Variants in SNTG1 observed in about 807,000 individuals in gnomAD.
The protein encoded by SNTG1 is syntrophin gamma 1.
Under a neutral mutation model 74.7 loss-of-function variants are expected in SNTG1, and 39 were observed. That is an observed-to-expected ratio of 0.52 (90% CI 0.40 to 0.68). SNTG1 has a LOEUF of 0.68. Ranked by LOEUF, SNTG1 falls within the 30% of genes least tolerant of loss-of-function variation. The pLI, the probability that SNTG1 is intolerant of heterozygous loss-of-function variation, is 0.00. For missense variants in SNTG1, 685 were observed against 609.5 expected (o/e 1.12, Z -1.30); for synonymous variants, 254 against 217.1 (o/e 1.17, Z -1.49).
intron 1 of SNTG1, among the ~76,000 whole-genome samples, chr8:49,970,182 C>G (rs909530720): frequency 1.3e-5 from 2 of 152,110 alleles, no homozygotes; most frequent in African/African-American, 4.8e-5. Context: ...ATCTCACCAT[C>G]TGGCAAAATT....
intron 18 of SNTG1, among the ~76,000 whole-genome samples, chr8:50,785,846 A>G (rs2095673325): frequency 6.6e-6 from 1 of 152,040 alleles, no homozygotes; most frequent in Non-Finnish European, 1.5e-5. Context: ...CCTGGAATGT[A>G]TGGTAGATAT....
chr8:50,346,875 A>G (rs1298647481), intron 2 of SNTG1, among the ~76,000 whole-genome samples: 1 of 152,210 alleles, frequency 6.6e-6, no homozygotes, highest in Non-Finnish European at 1.5e-5. Flanking sequence ...AGGCCGAGAG[A>G]GGTATGGAAG....
chr8:50,181,961 T>A lies in SNTG1; in HGVS notation c.-28+9326T>A, dbSNP rs192093329. On this transcript the variant is annotated intron_variant, in intron 2 of 18. Transcript: ENST00000642720. ...AACAGTTCCCTTGAAATAAATGTTG[T>A]GACAGAATACAATAATTATTCTGCT... is the stretch of plus-strand genomic sequence containing the variant. Among the ~76,000 whole-genome samples the A allele has an allele frequency of 2.4e-3, 365 of 152,312 alleles. 4 individuals are homozygous for A. Among genetic ancestry groups the A allele is most frequent in the African/African-American group, 8.4e-3 (351 of 41,572 alleles).
chr8:50,370,758 G>A (rs2092248864), intron 2 of SNTG1, among the ~76,000 whole-genome samples: 1 of 152,026 alleles, frequency 6.6e-6, no homozygotes, highest in Admixed American at 6.6e-5. Context: ...TGAAGGTGAA[G>A]TACAAAGTAT....
chr8:50,177,934 A>G (rs1239062895), intron 2 of SNTG1, among the ~76,000 whole-genome samples: 1 of 152,018 alleles, frequency 6.6e-6, no homozygotes, highest in Non-Finnish European at 1.5e-5. Flanking sequence ...ACCGTTTTGC[A>G]TTTTCTCAAT....
chr8:50,726,764 G>A (rs78122412), intron 17 of SNTG1, among the ~76,000 whole-genome samples: 3,296 of 152,240 alleles, frequency 0.022, 103 homozygotes, highest in African/African-American at 0.071. Flanking sequence ...CGGGAGAAAG[G>A]CGTGAAACCA....
intron 2 of SNTG1, among the ~76,000 whole-genome samples, chr8:50,294,646 C>T (rs1586991912): frequency 6.6e-6 from 1 of 152,236 alleles, no homozygotes; most frequent in South Asian, 2.1e-4. Context: ...GAGGCCCACC[C>T]ATGTTATGGC....
intron 1 of SNTG1, among the ~76,000 whole-genome samples, chr8:50,059,219 T>A (rs939556850): frequency 6.6e-6 from 1 of 152,100 alleles, no homozygotes; most frequent in Non-Finnish European, 1.5e-5. Flanking sequence ...GCATTTCAAT[T>A]TTTTATATAA....
chr8:50,087,281 G>C (rs1447015398), intron 1 of SNTG1, among the ~76,000 whole-genome samples: 2 of 152,122 alleles, frequency 1.3e-5, no homozygotes, highest in Non-Finnish European at 2.9e-5. Context: ...AACTTCCCCT[G>C]AAAGGGTCAA....
chr8:50,053,073 C>A (rs1328359990), intron 1 of SNTG1, among the ~76,000 whole-genome samples: 1 of 152,214 alleles, frequency 6.6e-6, no homozygotes, highest in African/African-American at 2.4e-5. Flanking sequence ...AATGAAACCA[C>A]GTCCCATATT....
chr8:50,456,662 C>T (rs1476418087), intron 8 of SNTG1, among the ~76,000 whole-genome samples: 2 of 152,142 alleles, frequency 1.3e-5, no homozygotes, highest in African/African-American at 4.8e-5. Context: ...CCACTTGCTA[C>T]CACCACAATG....
At chr8:50,199,037 A>G (rs1466798529) in intron 2 of SNTG1, among the ~76,000 whole-genome samples, 1 of 152,164 alleles carries the variant, frequency 6.6e-6, no homozygotes, top group Non-Finnish European at 1.5e-5. Context: ...TCAGGAGCAA[A>G]AGTAATGTCA....
intron 13 of SNTG1, among the ~76,000 whole-genome samples, chr8:50,643,564 C>A (rs1260893083): frequency 1.3e-5 from 2 of 151,884 alleles, no homozygotes; most frequent in Non-Finnish European, 2.9e-5. Context: ...AAGATTACTT[C>A]TTTCTGAGTG....
chr8:50,426,523 T>C (rs1330800059), intron 4 of SNTG1, among the ~76,000 whole-genome samples: 1 of 151,784 alleles, frequency 6.6e-6, no homozygotes, highest in Non-Finnish European at 1.5e-5. Flanking sequence ...CACACAGCTA[T>C]ACAATGTGTT....
chr8:50,733,302 G>A (rs1007411763), intron 17 of SNTG1, among the ~76,000 whole-genome samples: 6 of 151,842 alleles, frequency 4.0e-5, no homozygotes, highest in Admixed American at 3.9e-4. Context: ...ATGATGTATA[G>A]GTACCACATT....
intron 2 of SNTG1, among the ~76,000 whole-genome samples, chr8:50,384,410 C>A (rs567914538): frequency 1.3e-5 from 2 of 152,274 alleles, no homozygotes; most frequent in African/African-American, 4.8e-5. Context: ...TTAGCAAGAA[C>A]GCTGTGTATA....
In SNTG1 at chr8:50,777,931, C is replaced by T. The variant is rs970727396; in HGVS notation, c.1396-14740C>T. Among the ~76,000 whole-genome samples, 4 of 151,872 alleles carry T rather than the reference C, an allele frequency of 2.6e-5. No homozygotes were observed. The East Asian group carries it at 5.8e-4, about 22-fold the overall frequency. ...TGTGATCTCATTGTTCAATTCCCAC[C>T]TATGAGTGAGAATATGCGGTGTTTG... On this transcript the variant is annotated intron_variant, in intron 18 of 18. Transcript: ENST00000642720.
rs28711193 is a variant in SNTG1, at chr8:50,318,904, T to G, written c.-27-75308T>G. Among the ~76,000 whole-genome samples, 783 of 152,102 alleles carry G rather than the reference T, an allele frequency of 5.1e-3. 5 individuals are homozygous for G. Among genetic ancestry groups the G allele is most frequent in the African/African-American group, 0.018 (744 of 41,508 alleles). On this transcript the variant is annotated intron_variant, in intron 2 of 18. Transcript: ENST00000642720. ...ATATTTTCTATTTCAATTCTATAAT[T>G]CTTACGTTTTATCAATAGAATACAT...
At chr8:50,734,736 T>C (rs1261872551) in intron 17 of SNTG1, among the ~76,000 whole-genome samples, 1 of 89,460 alleles carries the variant, frequency 1.1e-5, no homozygotes, top group Non-Finnish European at 2.1e-5. Context: ...TATCTATATA[T>C]ATGGACATGT....
Sources: gnomAD v4.1 joint callset for allele counts (sites outside exome capture counted in the v4.1 genomes callset) on GRCh38, gnomAD v4.1.1 for gene constraint, MANE v1.5 for transcripts, NCBI Gene and HGNC (gene_info 2026-07-23, HGNC 2026-07-21) for gene names.